The following MGST3 variants were observed in gnomAD, a reference collection of about 807,000 sequenced individuals.
The protein encoded by MGST3 is microsomal glutathione S-transferase 3.
Under a neutral mutation model 15.8 loss-of-function variants are expected in MGST3, and 13 were observed. That is an observed-to-expected ratio of 0.82 (90% confidence interval 0.54 to 1.31). The LOEUF (loss-of-function observed/expected upper bound fraction) is 1.31, where lower values mean the gene tolerates loss of function less well. Among genes scored for constraint, MGST3 ranks in the 50% most tolerant of loss-of-function variants. MGST3 has a pLI of 0.00. For missense variants in MGST3, 155 were observed against 192.4 expected (o/e 0.81, Z 1.15); for synonymous variants, 49 against 68.1 (o/e 0.72, Z 1.38).
At chr1:165,651,236 T>G (rs1648546204) in intron 3 of MGST3, 149 bp downstream of exon 3, 1 of 714,620 alleles carries the variant, frequency 1.4e-6, no homozygotes, top group South Asian at 1.5e-5. Context: ...AAATTATGTA[T>G]GTGAACACAT....
At position 165,632,230 on chromosome 1, in the gene MGST3, G is replaced by A. The variant is rs767937215; in HGVS notation, c.-8+937G>A. On this transcript the variant is annotated intron_variant, in intron 1 of 5. Transcript: ENST00000367889. ...GGTTAGAACTTTAATTCCTTCCCTG[G>A]GGACAGGAGATGCCCTGGAGGGGAA... is the stretch of plus-strand genomic sequence containing the variant. 3 of 1,612,272 alleles carry A rather than the reference G, an allele frequency of 1.9e-6. No homozygotes were observed. In the African/African-American group the frequency reaches 4.0e-5, roughly 22 times the overall value.
chr1:165,643,691 C>A (rs918704390), intron 1 of MGST3, among the ~76,000 whole-genome samples: 1 of 151,666 alleles, frequency 6.6e-6, no homozygotes, highest in Non-Finnish European at 1.5e-5. Flanking sequence ...CATGGCAAAA[C>A]CCCCATCTCT....
intron 1 of MGST3, among the ~76,000 whole-genome samples, chr1:165,633,559 T>C (rs893630847): frequency 6.6e-6 from 1 of 152,168 alleles, no homozygotes; most frequent in Non-Finnish European, 1.5e-5. Flanking sequence ...ATGGGAGCGG[T>C]TGTACCACAG....
chr1:165,649,519 G>T, intron 1 of MGST3: 1 of 271,146 alleles, frequency 3.7e-6, no homozygotes, highest in Non-Finnish European at 7.1e-6. Context: ...ATTTTTGTTG[G>T]CTATATTATT....
chr1:165,641,207 C>T lies in MGST3; in HGVS notation c.-7-8634C>T, dbSNP rs9333424. On this transcript the variant is annotated intron_variant, in intron 1 of 5. Coordinates refer to ENST00000367889, the MANE Select transcript of MGST3 (RefSeq NM_004528.4). ...CAAAACAAAAAAAGAGTTCCCACTC[C>T]CTGAAGCTGTTTTTTGTTTGCATGT... Among the ~76,000 whole-genome samples, 1,496 of 152,218 alleles carry T rather than the reference C, an allele frequency of 9.8e-3. 52 individuals are homozygous for T. Among genetic ancestry groups the T allele is most frequent in the Admixed American group, 0.059 (902 of 15,284 alleles).
chr1:165,644,234 G>A (rs767340894), intron 1 of MGST3, among the ~76,000 whole-genome samples: 46 of 152,028 alleles, frequency 3.0e-4, no homozygotes, highest in Admixed American at 3.9e-4. Flanking sequence ...TGAGAATATC[G>A]TACAGTGTAC....
At chr1:165,632,419 CAG>C (rs1647980042) in intron 1 of MGST3, 2 of 704,570 alleles carry the variant, frequency 2.8e-6, no homozygotes, top group Non-Finnish European at 4.9e-6. Flanking sequence ...GGTTATTGGT[CAG>C]AGTTACAGGC....
chr1:165,634,943 A>G (rs1340923085), intron 1 of MGST3, among the ~76,000 whole-genome samples: 3 of 152,056 alleles, frequency 2.0e-5, no homozygotes, highest in Middle Eastern at 3.4e-3. Flanking sequence ...AATACTGAAG[A>G]TGATAGCTAT....
In MGST3 at chr1:165,649,916, C is replaced by T; in HGVS notation, c.69C>T (p.Ala23=). 1 of 1,614,088 alleles carries T rather than the reference C, an allele frequency of 6.2e-7. No individual in the cohort carries two copies. The highest frequency in any genetic ancestry group is 1.7e-5 in the Admixed American group (1 of 60,010). ...LTGAASFIMV[A]HLAINVSKAR... ...GTGCTGCCAGCTTTATAATGGTGGC[C>T]CACCTAGCCATCAATGTTTCCAAGG... The change falls in exon 2 of 6, where the codon GCC becomes GCT. Residue 23 remains alanine, a synonymous_variant. Coordinates refer to ENST00000367889, the MANE Select transcript of MGST3 (RefSeq NM_004528.4).
At chr1:165,638,578 G>A (rs796447822) in intron 1 of MGST3, among the ~76,000 whole-genome samples, 3 of 152,160 alleles carry the variant, frequency 2.0e-5, no homozygotes, top group African/African-American at 7.2e-5. Flanking sequence ...GAGGTCAGGA[G>A]TTCAAGACCA....
At chr1:165,651,639 C>T (rs903003609) in intron 3 of MGST3, 16 of 332,172 alleles carry the variant, frequency 4.8e-5, no homozygotes, top group South Asian at 2.8e-5. Context: ...GAGGTGGGCT[C>T]ACACCTGTAA....
At chr1:165,645,092 AGATTTTTTTTTCTAT>A (rs1174792172) in intron 1 of MGST3, among the ~76,000 whole-genome samples, 1 of 152,016 alleles carries the variant, frequency 6.6e-6, no homozygotes, top group Non-Finnish European at 1.5e-5. Flanking sequence ...TTATTCTATA[AGATTTTTTTTTCTAT>A]GTTTTAAATA....
chr1:165,631,322 G>C (rs1191417812), intron 1 of MGST3, 29 bp downstream of exon 1: 3 of 152,980 alleles, frequency 2.0e-5, no homozygotes, highest in Admixed American at 6.5e-5. Flanking sequence ...GGGCAGCCAC[G>C]AGCACCGGGC....
rs1648575596 is a variant in MGST3, at chr1:165,652,038, A to G, written c.249+3A>G. On this transcript the variant is annotated splice_donor_region_variant and intron_variant, in intron 4 of 5. Coordinates refer to ENST00000367889, the MANE Select transcript of MGST3 (RefSeq NM_004528.4). ...CTGTTGGAGGTGTTTACCACCCGGT[A>G]AGTTTTCCAGGAGGTGTTCATCTAT... 1.9e-6 allele frequency: 3 copies of G among 1,610,324 alleles called. No individual in the cohort carries two copies. The highest frequency in any genetic ancestry group is 2.5e-6 in the Non-Finnish European group (3 of 1,176,594).
At chr1:165,643,641 G>A (rs948333322) in intron 1 of MGST3, among the ~76,000 whole-genome samples, 1 of 151,740 alleles carries the variant, frequency 6.6e-6, no homozygotes, top group Non-Finnish European at 1.5e-5. Flanking sequence ...TGAGGCAGCC[G>A]TATCAGTTGA....
At chr1:165,632,139 G>A in intron 1 of MGST3, 2 of 1,057,360 alleles carry the variant, frequency 1.9e-6, no homozygotes, top group Non-Finnish European at 1.5e-6. Context: ...AGCGTCGGGG[G>A]CAAGTAAGTG....
chr1:165,652,990 C>G (rs1379570080), intron 4 of MGST3, among the ~76,000 whole-genome samples: 1 of 152,182 alleles, frequency 6.6e-6, no homozygotes, highest in Non-Finnish European at 1.5e-5. Context: ...ACCAGAGTGG[C>G]CCTTCAGACT....
In MGST3 at chr1:165,651,968, T is replaced by C; in HGVS notation, c.192-10T>C. The C allele has an allele frequency of 6.2e-7, 1 of 1,610,534 alleles. No homozygotes were observed. Among genetic ancestry groups the C allele is most frequent in the Non-Finnish European group, 8.5e-7 (1 of 1,176,954 alleles). On this transcript the variant is annotated splice_polypyrimidine_tract_variant and intron_variant, in intron 3 of 5. Transcript: ENST00000367889. The stretch of plus-strand genomic sequence containing the variant: ...GGCACTTTTTAAAAGTTTCTTTCTG[T>C]CAATTCCAGGTTGGAAGTGTATCCT...
chr1:165,651,025 G>C lies in MGST3; in HGVS notation c.129G>C (p.Met43Ile). 1.2e-6 allele frequency: 2 copies of C among 1,614,148 alleles called. No individual in the cohort carries two copies. Among genetic ancestry groups the C allele is most frequent in the Non-Finnish European group, 1.7e-6 (2 of 1,179,992 alleles). Reference sequence around the variant, plus strand: ...CTTTGTTGTGACAGTATCCTATCATGTACAGCACGGACCCTGAAAATGGGC... The same window carrying C: ...CTTTGTTGTGACAGTATCCTATCATCTACAGCACGGACCCTGAAAATGGGC... ...RKKYKVEYPI[M>I]YSTDPENGHI... The change falls in exon 3 of 6, where the codon ATG (methionine) becomes ATC (isoleucine). Residue 43 changes from methionine to isoleucine, a missense_variant. Coordinates refer to ENST00000367889, the MANE Select transcript of MGST3 (RefSeq NM_004528.4).
Sources: allele counts gnomAD v4.1 joint callset (sites outside exome capture counted in the v4.1 genomes callset), GRCh38; gene constraint gnomAD v4.1.1; transcripts MANE v1.5; gene names NCBI Gene and HGNC (gene_info 2026-07-23, HGNC 2026-07-21).